Variants in TMEM154 observed in about 807,000 individuals in gnomAD.
The protein encoded by TMEM154 is transmembrane protein 154.
TMEM154 carries 27 observed loss-of-function variants against 24.5 expected under a neutral mutation model. That is an observed-to-expected ratio of 1.10 (90% CI 0.81 to 1.52). The LOEUF (loss-of-function observed/expected upper bound fraction) is 1.52. Among genes scored for constraint, TMEM154 ranks in the 40% most tolerant of loss-of-function variants. The pLI is 0.00. For synonymous variants in TMEM154, 67 were observed against 76.8 expected (o/e 0.87, Z 0.67); for missense variants, 228 against 213.4 (o/e 1.07, Z -0.43).
chr4:152,661,979 C>T (rs559615840), intron 1 of TMEM154, among the ~76,000 whole-genome samples: 1 of 152,278 alleles, frequency 6.6e-6, no homozygotes, highest in East Asian at 1.9e-4. Flanking sequence ...CTTTCTGCCC[C>T]TTGCTTTTTT....
chr4:152,670,287 A>G (rs975872426), intron 1 of TMEM154, among the ~76,000 whole-genome samples: 1 of 152,216 alleles, frequency 6.6e-6, no homozygotes, highest in African/African-American at 2.4e-5. Flanking sequence ...AACTGTTCAT[A>G]CATTAAAAGA....
intron 6 of TMEM154, among the ~76,000 whole-genome samples, chr4:152,638,915 G>A (rs1215905947): frequency 6.6e-6 from 1 of 152,092 alleles, no homozygotes; most frequent in East Asian, 1.9e-4. Context: ...ACTATGTGAA[G>A]GCTCTAGCTC....
At chr4:152,671,033 C>T (rs1561058385) in intron 1 of TMEM154, among the ~76,000 whole-genome samples, 3 of 152,146 alleles carry the variant, frequency 2.0e-5, no homozygotes, top group African/African-American at 7.2e-5. Context: ...GGAAGACATT[C>T]ATTGCATTCG....
chr4:152,678,692 G>T, intron 1 of TMEM154, among the ~76,000 whole-genome samples: 1 of 152,144 alleles, frequency 6.6e-6, no homozygotes, highest in Non-Finnish European at 1.5e-5. Flanking sequence ...TCATCTTCAA[G>T]TTCCCTTCCA....
At chr4:152,630,186 C>A (rs931611442) in intron 6 of TMEM154, among the ~76,000 whole-genome samples, 4 of 151,538 alleles carry the variant, frequency 2.6e-5, no homozygotes, top group Middle Eastern at 3.4e-3. Context: ...GTGGTGCACA[C>A]TTGTAGTCCC....
chr4:152,665,320 C>A (rs1298617248), intron 1 of TMEM154, among the ~76,000 whole-genome samples: 3 of 152,166 alleles, frequency 2.0e-5, no homozygotes, highest in Non-Finnish European at 4.4e-5. Context: ...TTCTCTAGAC[C>A]CTGCCCACTT....
chr4:152,631,499 T>A (rs1435100525), intron 6 of TMEM154, among the ~76,000 whole-genome samples: 1 of 152,080 alleles, frequency 6.6e-6, no homozygotes, highest in African/African-American at 2.4e-5. Context: ...AGTGGCAAGA[T>A]CTTAGCTCAC....
At position 152,654,039 on chromosome 4, in the gene TMEM154, C is replaced by CAA. The variant is rs138374483; in HGVS notation, c.65-1114_65-1113dup. ...AGGCAACAAGAGCGACACTCCATCTCAAAAAAAAAAGAAAAAGAAAAAAGA... is the reference window on the plus strand; with the variant it reads ...AGGCAACAAGAGCGACACTCCATCTCAAAAAAAAAAAAGAAAAAGAAAAAAGA... On this transcript the variant is annotated intron_variant, in intron 1 of 6. Coordinates refer to ENST00000304385, the MANE Select transcript of TMEM154 (RefSeq NM_152680.3). Among the ~76,000 whole-genome samples the CAA allele has an allele frequency of 4.9e-4, 72 of 145,504 alleles. 1 individual carries two copies. Among genetic ancestry groups the CAA allele is most frequent in the Admixed American group, 1.8e-3 (27 of 14,700 alleles).
intron 1 of TMEM154, among the ~76,000 whole-genome samples, chr4:152,664,174 C>A (rs929074302): frequency 6.6e-6 from 1 of 152,174 alleles, no homozygotes; most frequent in Non-Finnish European, 1.5e-5. Flanking sequence ...TACATATACA[C>A]CGTGGAATAC....
chr4:152,621,076 C>T lies in TMEM154; in HGVS notation c.*7470G>A, dbSNP rs1240804124. 6.6e-6 allele frequency: 1 copy of T among 152,218 alleles called. No individual in the cohort carries two copies. The highest frequency in any genetic ancestry group is 1.5e-5 in the Non-Finnish European group (1 of 68,058). 9.4% of individuals were successfully genotyped at this position (152,218 alleles called of 1,614,324 possible). On this transcript the variant is annotated 3_prime_UTR_variant, in exon 7 of 7. Coordinates refer to ENST00000304385, the MANE Select transcript of TMEM154 (RefSeq NM_152680.3). ...ATTGTTGAAAGTGATAATGTACCAA[C>T]CATAGAGATGACTGTTCCCTGCTGC...
intron 1 of TMEM154, among the ~76,000 whole-genome samples, chr4:152,676,683 G>A (rs1413254200): frequency 9.2e-5 from 14 of 152,156 alleles, no homozygotes; most frequent in Admixed American, 2.0e-4. Context: ...GATGTCAGCC[G>A]TGTTCATTAA....
chr4:152,651,905 C>T (rs1025888127), intron 3 of TMEM154, among the ~76,000 whole-genome samples: 2 of 152,140 alleles, frequency 1.3e-5, no homozygotes, highest in African/African-American at 4.8e-5. Context: ...CACTTACATG[C>T]CATTGTAGGG....
chr4:152,668,030 G>A (rs1200222717), intron 1 of TMEM154, among the ~76,000 whole-genome samples: 1 of 152,196 alleles, frequency 6.6e-6, no homozygotes, highest in Non-Finnish European at 1.5e-5. Context: ...TTATTTTGAT[G>A]TCTTTTTAAG....
chr4:152,652,358 T>C (rs1467118265), intron 3 of TMEM154, among the ~76,000 whole-genome samples, 180 bp downstream of exon 3: 2 of 150,948 alleles, frequency 1.3e-5, no homozygotes, highest in Non-Finnish European at 3.0e-5. Flanking sequence ...TGAAATTCAA[T>C]TAAACTTTTT....
chr4:152,640,149 G>A (rs1045521201), intron 6 of TMEM154, among the ~76,000 whole-genome samples: 2 of 152,106 alleles, frequency 1.3e-5, no homozygotes, highest in Non-Finnish European at 2.9e-5. Context: ...CTGCCTGAAG[G>A]TTTATTCCAT....
At chr4:152,634,776 A>AGAATCT (rs1224444792) in intron 6 of TMEM154, among the ~76,000 whole-genome samples, 2 of 152,204 alleles carry the variant, frequency 1.3e-5, no homozygotes, top group Non-Finnish European at 2.9e-5. Flanking sequence ...CAGATTTGAG[A>AGAATCT]GAATCTGACA....
At position 152,623,078 on chromosome 4, in the gene TMEM154, C is replaced by T. The variant is rs1751866274; in HGVS notation, c.*5468G>A. Reference sequence around the variant, plus strand: ...CTCAAACTCCCGAGCTCAGGCAATCCACCAGCCGTGGACTCCCAAAGTGTT... The same window carrying T: ...CTCAAACTCCCGAGCTCAGGCAATCTACCAGCCGTGGACTCCCAAAGTGTT... On this transcript the variant is annotated 3_prime_UTR_variant, in exon 7 of 7. Coordinates refer to ENST00000304385, the MANE Select transcript of TMEM154 (RefSeq NM_152680.3). 6.6e-6 allele frequency: 1 copy of T among 152,260 alleles called. No homozygotes were observed. Among genetic ancestry groups the T allele is most frequent in the Non-Finnish European group, 1.5e-5 (1 of 68,078 alleles). 9.4% of individuals were successfully genotyped at this position (152,260 alleles called of 1,614,324 possible).
At chr4:152,666,948 C>A (rs143970501) in intron 1 of TMEM154, 1 of 152,304 alleles carries the variant, frequency 6.6e-6, no homozygotes, top group Non-Finnish European at 1.5e-5. Flanking sequence ...GACAGTGCTA[C>A]GAGGACACCG....
rs1752026369 is a variant in TMEM154 at position 152,630,878 on chromosome 4, C to A, written c.537-2317G>T. 2.0e-5 allele frequency among the ~76,000 whole-genome samples: 3 copies of A among 152,222 alleles called. No homozygotes were observed. The South Asian group carries it at 6.2e-4, about 32-fold the overall frequency. On this transcript the variant is annotated intron_variant, in intron 6 of 6. Transcript: ENST00000304385. The stretch of plus-strand genomic sequence containing the variant: ...CATATTTTATATATTGTTCTGTAAT[C>A]TGCTTTTCTCACTCTCATTCACATG...
Sources: gnomAD v4.1 joint callset for allele counts (sites outside exome capture counted in the v4.1 genomes callset) on GRCh38, gnomAD v4.1.1 for gene constraint, MANE v1.5 for transcripts, NCBI Gene and HGNC (gene_info 2026-07-23, HGNC 2026-07-21) for gene names.